The following SPCS3 variants were observed in gnomAD, a reference collection of about 807,000 sequenced individuals.
SPCS3 encodes the protein SPase 22 kDa subunit.
Under a neutral mutation model 17.2 loss-of-function variants are expected in SPCS3, and 9 were observed. That is an observed-to-expected ratio of 0.52 (90% CI 0.31 to 0.91). The LOEUF is 0.91. Among genes scored for constraint, SPCS3 ranks in the 40% least tolerant of loss-of-function variants. The pLI is 0.04. For synonymous variants in SPCS3, 87 were observed against 89.6 expected (o/e 0.97, Z 0.16); for missense variants, 139 against 217.5 (o/e 0.64, Z 2.27).
chr4:176,321,975 C>G (rs547417109), intron 1 of SPCS3, 195 bp from the exon 2 acceptor site: 2 of 440,422 alleles, frequency 4.5e-6, no homozygotes, highest in South Asian at 3.4e-5. Context: ...ATGCAATTAG[C>G]TGAAGACCTA....
At position 176,327,166 on chromosome 4, in the gene SPCS3, T is replaced by C. The variant is rs1305559147; in HGVS notation, c.299T>C (p.Leu100Pro). ...SAEYSTKNNA[L>P]NQVVLWDKIV... is the part of the protein sequence containing the mutation. The stretch of plus-strand genomic sequence containing the variant: ...TTAATTTTCATTTTAATATAGGCTC[T>C]GAACCAAGTTGTCCTATGGGACAAG... The change falls in exon 4 of 5, where the codon CTG becomes CCG. Residue 100 changes from leucine to proline, a missense_variant. Leu to Pro is a moderately conservative substitution (Grantham distance 98, BLOSUM62 -3). Coordinates refer to ENST00000503362, the MANE Select transcript of SPCS3 (RefSeq NM_021928.4). 1 of 1,568,242 alleles carries C rather than the reference T, an allele frequency of 6.4e-7. No homozygotes were observed. Among genetic ancestry groups the C allele is most frequent in the Non-Finnish European group, 8.6e-7 (1 of 1,158,934 alleles).
In SPCS3 at chr4:176,330,030, G is replaced by A. The variant is rs1438716297; in HGVS notation, c.*1700G>A. The A allele has an allele frequency of 6.6e-6, 1 of 152,026 alleles. No homozygotes were observed. Among genetic ancestry groups the A allele is most frequent in the East Asian group, 1.9e-4 (1 of 5,190 alleles). 9.4% of individuals were successfully genotyped at this position (152,026 alleles called of 1,614,324 possible). A position where few individuals can be genotyped will look rare whatever the true frequency, so the allele number is the denominator to read the frequency against. On this transcript the variant is annotated 3_prime_UTR_variant, in exon 5 of 5. Coordinates refer to ENST00000503362, the MANE Select transcript of SPCS3 (RefSeq NM_021928.4). ...CCAGCTTTTTCATTAAACTTTTCAG[G>A]GTCTTGGTTTCTTTATCTGTAAAAT...
At position 176,329,484 on chromosome 4, in the gene SPCS3, A is replaced by C. The variant is rs973820030; in HGVS notation, c.*1154A>C. The C allele has an allele frequency of 6.6e-6, 1 of 152,142 alleles. No homozygotes were observed. Among genetic ancestry groups the C allele is most frequent in the African/African-American group, 2.4e-5 (1 of 41,446 alleles). 9.4% of individuals were successfully genotyped at this position (152,142 alleles called of 1,614,324 possible). ...CTTCCTGATATTTTTGTTACCCTGGACACCCTTTCTATTCTAGAAAAGGTT... is the reference window on the plus strand; with the variant it reads ...CTTCCTGATATTTTTGTTACCCTGGCCACCCTTTCTATTCTAGAAAAGGTT... On this transcript the variant is annotated 3_prime_UTR_variant, in exon 5 of 5. Coordinates refer to ENST00000503362, the MANE Select transcript of SPCS3 (RefSeq NM_021928.4).
chr4:176,322,095 C>G (rs1353141755), intron 1 of SPCS3, 75 bp from the exon 2 acceptor site: 17 of 973,314 alleles, frequency 1.7e-5, no homozygotes, highest in Non-Finnish European at 2.6e-5. Context: ...CACCTGTATT[C>G]TTTCTCTTTA....
At chr4:176,320,335 G>T in intron 1 of SPCS3, 116 bp downstream of exon 1, 1 of 996,712 alleles carries the variant, frequency 1.0e-6, no homozygotes, top group Non-Finnish European at 1.3e-6. Context: ...CGTCCGGATC[G>T]CCCTCCTGAG....
Position 176,328,246 on chromosome 4 carries a change from T to A in SPCS3, c.459T>A (p.Asn153Lys). ...TLTLSWNVVP[N>K]AGILPLVTGS... ...CCCTGTCTTGGAACGTCGTACCAAATGCTGGAATTCTACCTCTTGTGACAG... is the reference window on the plus strand; with the variant it reads ...CCCTGTCTTGGAACGTCGTACCAAAAGCTGGAATTCTACCTCTTGTGACAG... The change falls in exon 5 of 5, where the codon AAT becomes AAA. Residue 153 changes from asparagine (N) to lysine (K), a missense_variant. By Grantham distance (94) the Asn-to-Lys change is moderately conservative. Transcript: ENST00000503362. The A allele has an allele frequency of 6.2e-7, 1 of 1,613,438 alleles. No homozygotes were observed. Among genetic ancestry groups the A allele is most frequent in the South Asian group, 1.1e-5 (1 of 90,978 alleles).
chr4:176,325,306 G>A (rs113619539), intron 3 of SPCS3, among the ~76,000 whole-genome samples: 10 of 151,828 alleles, frequency 6.6e-5, no homozygotes, highest in African/African-American at 2.2e-4. Flanking sequence ...CGCATGCCTC[G>A]TCCTCCCAAA....
At position 176,324,211 on chromosome 4, in the gene SPCS3, A is replaced by G; in HGVS notation, c.248A>G (p.Lys83Arg). 8.4e-7 allele frequency: 1 copy of G among 1,185,420 alleles called. No homozygotes were observed. The highest frequency in any genetic ancestry group is 1.2e-6 in the Non-Finnish European group (1 of 861,686). The allele number at this position is 1,185,420 out of a possible 1,614,324, so 73.4% of individuals were successfully genotyped here. Residue 83 changes from lysine to arginine, a missense_variant, in exon 3 of 5, where the codon AAG becomes AGG. Transcript: ENST00000503362. The part of the protein sequence containing the change: ...DLENIFDWNV[K>R]QLFLYLSAEY... Reference sequence around the variant, plus strand: ...GAGAATATATTTGATTGGAATGTTAAGCAGTTGTTTCTTTATTTATCAGCA... The same window carrying G: ...GAGAATATATTTGATTGGAATGTTAGGCAGTTGTTTCTTTATTTATCAGCA...
At chr4:176,325,726 T>G (rs1731597686) in intron 3 of SPCS3, among the ~76,000 whole-genome samples, 1 of 152,002 alleles carries the variant, frequency 6.6e-6, no homozygotes, top group African/African-American at 2.4e-5. Flanking sequence ...GAACTGGTTT[T>G]TTGTTGTTGT....
Position 176,328,348 on chromosome 4 carries a change from A to G in SPCS3, c.*18A>G, listed in dbSNP as rs2127002369. On this transcript the variant is annotated 3_prime_UTR_variant, in exon 5 of 5. Coordinates refer to ENST00000503362, the MANE Select transcript of SPCS3 (RefSeq NM_021928.4). ...GTTATTAAATTATTCTGAATTTGAA[A>G]CAACATATTTTTATACTTAATGAAT... is the stretch of plus-strand genomic sequence containing the variant. 1 of 1,558,274 alleles carries G rather than the reference A, an allele frequency of 6.4e-7. No homozygotes were observed. The highest frequency in any genetic ancestry group is 8.7e-7 in the Non-Finnish European group (1 of 1,147,168).
At chr4:176,326,567 A>G (rs942436574) in intron 3 of SPCS3, among the ~76,000 whole-genome samples, 7 of 152,086 alleles carry the variant, frequency 4.6e-5, no homozygotes, top group Non-Finnish European at 8.8e-5. Context: ...CAATGCATGT[A>G]TTTTCTTAAT....
In SPCS3 at chr4:176,320,099, C is replaced by T. The variant is rs748908113; in HGVS notation, c.23C>T (p.Ala8Val). Reference sequence around the variant, plus strand: ...GCGATGAACACGGTGCTGTCGCGGGCGAACTCACTGTTCGCCTTCTCGCTG... The same window carrying T: ...GCGATGAACACGGTGCTGTCGCGGGTGAACTCACTGTTCGCCTTCTCGCTG... Reference protein sequence around the residue: MNTVLSRANSLFAFSLSV... With the variant: MNTVLSRVNSLFAFSLSV... The change falls in exon 1 of 5, where the codon GCG (alanine) becomes GTG (valine). Residue 8 changes from alanine to valine, a missense_variant. Ala to Val is a moderately conservative substitution (Grantham distance 64). Coordinates refer to ENST00000503362, the MANE Select transcript of SPCS3 (RefSeq NM_021928.4). 1.3e-6 allele frequency: 2 copies of T among 1,573,944 alleles called. No individual in the cohort carries two copies.
intron 2 of SPCS3, among the ~76,000 whole-genome samples, chr4:176,323,198 A>T (rs565089281): frequency 6.6e-6 from 1 of 152,286 alleles, no homozygotes; most frequent in Admixed American, 6.5e-5. Flanking sequence ...GCTGAATTTC[A>T]TGTGTATTTT....
At chr4:176,322,084 A>G in intron 1 of SPCS3, 86 bp from the exon 2 acceptor site, 1 of 815,426 alleles carries the variant, frequency 1.2e-6, no homozygotes, top group Non-Finnish European at 2.0e-6. Context: ...ACCTATGCAC[A>G]CACCTGTATT....
In SPCS3 at chr4:176,330,177, CGAAT is replaced by C. The variant is rs1731665275; in HGVS notation, c.*1851_*1854del. On this transcript the variant is annotated 3_prime_UTR_variant, in exon 5 of 5. Transcript: ENST00000503362. ...CGTTAGTAATATGAAGACAGGAAAA[CGAAT>C]GAAAGTCTAACACATAACTCATATT... The C allele has an allele frequency of 6.6e-6, 1 of 152,080 alleles. No homozygotes were observed. The highest frequency in any genetic ancestry group is 2.4e-5 in the African/African-American group (1 of 41,414). 9.4% of individuals were successfully genotyped at this position (152,080 alleles called of 1,614,324 possible). A position where few individuals can be genotyped will look rare whatever the true frequency, so the allele number is the denominator to read the frequency against.
chr4:176,322,466 C>T (rs542634351), intron 2 of SPCS3, among the ~76,000 whole-genome samples: 3 of 151,938 alleles, frequency 2.0e-5, no homozygotes, highest in South Asian at 2.1e-4. Context: ...AATTCTTAAC[C>T]GAAACATTAA....
intron 1 of SPCS3, chr4:176,320,624 A>C (rs1579356212): frequency 6.5e-6 from 1 of 153,162 alleles, no homozygotes; most frequent in East Asian, 1.9e-4. Flanking sequence ...TCCGCATGCG[A>C]GGCCCTCCAG....
intron 2 of SPCS3, among the ~76,000 whole-genome samples, chr4:176,323,218 G>T (rs186768147): frequency 3.0e-4 from 46 of 152,194 alleles, no homozygotes; most frequent in African/African-American, 1.1e-3. Context: ...TTAAGTCTTT[G>T]TGTAATTTTT....
intron 4 of SPCS3, 66 bp downstream of exon 4, chr4:176,327,343 T>C (rs909010976): frequency 8.9e-6 from 9 of 1,009,800 alleles, no homozygotes; most frequent in Non-Finnish European, 1.2e-5. Flanking sequence ...GATGTATTTT[T>C]ATTTTAAAGA....
Sources: gnomAD v4.1 joint callset for allele counts (sites outside exome capture counted in the v4.1 genomes callset) on GRCh38, gnomAD v4.1.1 for gene constraint, MANE v1.5 for transcripts, NCBI Gene and HGNC (gene_info 2026-07-23, HGNC 2026-07-21) for gene names.